LDB2: variants seen among roughly 807,000 people sequenced by gnomAD.
LDB2 encodes LIM domain-binding protein 2.
In LDB2, 12 loss-of-function variants were observed where a neutral mutation model predicts 44.3. The ratio of observed to expected loss-of-function variants is 0.27; its 90% CI spans 0.17 to 0.44. The LOEUF is 0.44. Among genes scored for constraint, LDB2 ranks in the 20% least tolerant of loss-of-function variants. LDB2 has a pLI of 1.00. For synonymous variants in LDB2, 164 were observed against 174.8 expected (o/e 0.94, Z 0.49); for missense variants, 344 against 473.5 (o/e 0.73, Z 2.54).
At chr4:16,735,472 G>T (rs1761704153) in intron 2 of LDB2, among the ~76,000 whole-genome samples, 1 of 151,952 alleles carries the variant, frequency 6.6e-6, no homozygotes, top group South Asian at 2.1e-4. Flanking sequence ...GGGAGATGGG[G>T]CTTAACTTCT....
rs191441725 is a variant in LDB2 at position 16,657,250 on chromosome 4, T to G, written c.236-61375A>C. On this transcript the variant is annotated intron_variant, in intron 2 of 7. Coordinates refer to ENST00000304523, the MANE Select transcript of LDB2 (RefSeq NM_001290.5). ...TTACTAAAAAATTTAAAATTATACA[T>G]GTGGTTGGCATTATCTATCTGCTGG... 2.6e-5 allele frequency among the ~76,000 whole-genome samples: 4 copies of G among 152,332 alleles called. No individual in the cohort carries two copies. The East Asian group carries it at 7.7e-4, about 29-fold the overall frequency.
intron 3 of LDB2, among the ~76,000 whole-genome samples, chr4:16,592,589 GA>G (rs1204494642): frequency 1.3e-5 from 2 of 150,610 alleles, no homozygotes; most frequent in African/African-American, 2.4e-5. Flanking sequence ...AAGAAATTCT[GA>G]AATATAATGT....
intron 5 of LDB2, among the ~76,000 whole-genome samples, chr4:16,559,879 A>G (rs1225357295): frequency 2.8e-4 from 42 of 152,058 alleles, no homozygotes; most frequent in South Asian, 4.1e-4. Flanking sequence ...TCAGACCACA[A>G]TGCAATCAAA....
chr4:16,508,583 G>A lies in LDB2; in HGVS notation c.843C>T (p.Ser281=). 8.1e-6 allele frequency: 13 copies of A among 1,612,770 alleles called. No individual in the cohort carries two copies. Among genetic ancestry groups the A allele is most frequent in the Non-Finnish European group, 1.1e-5 (13 of 1,179,324 alleles). Residue 281 remains serine, a synonymous_variant, in exon 7 of 8, where the codon AGC becomes AGT. Coordinates refer to ENST00000304523, the MANE Select transcript of LDB2 (RefSeq NM_001290.5). ...SAGNNANSTG[S]KKKTTAANLS... is the part of the protein sequence containing the mutation. Reference sequence around the variant, plus strand: ...GGTTTGCAGCTGTGGTCTTCTTCTTGCTGCCAGTGCTGTTTGCATTGTTCC... The same window carrying A: ...GGTTTGCAGCTGTGGTCTTCTTCTTACTGCCAGTGCTGTTTGCATTGTTCC...
intron 1 of LDB2, among the ~76,000 whole-genome samples, chr4:16,786,906 G>A (rs1226707399): frequency 6.6e-6 from 1 of 152,098 alleles, no homozygotes; most frequent in Non-Finnish European, 1.5e-5. Flanking sequence ...TACCACCGGT[G>A]GAGTTAGACA....
At chr4:16,623,049 A>G (rs1729316915) in intron 2 of LDB2, among the ~76,000 whole-genome samples, 1 of 152,190 alleles carries the variant, frequency 6.6e-6, no homozygotes, top group African/African-American at 2.4e-5. Flanking sequence ...TGCATGCTTC[A>G]AGAGGGAGGC....
chr4:16,599,828 C>T (rs924803980), intron 2 of LDB2, among the ~76,000 whole-genome samples: 13 of 152,118 alleles, frequency 8.5e-5, no homozygotes, highest in Non-Finnish European at 1.3e-4. Flanking sequence ...GGTTGACGGT[C>T]GATGCTGCAA....
intron 2 of LDB2, among the ~76,000 whole-genome samples, chr4:16,597,530 A>T (rs577368198): frequency 1.3e-5 from 2 of 152,330 alleles, no homozygotes; most frequent in Non-Finnish European, 2.9e-5. Flanking sequence ...GATAAAATTA[A>T]TTGAATGCAT....
intron 1 of LDB2, among the ~76,000 whole-genome samples, chr4:16,826,227 G>A (rs527747416): frequency 7.2e-5 from 11 of 152,192 alleles, no homozygotes; most frequent in East Asian, 1.9e-4. Flanking sequence ...AACAATATTC[G>A]AATCATAATT....
chr4:16,818,054 G>A (rs1256823712), intron 1 of LDB2, among the ~76,000 whole-genome samples: 3 of 152,098 alleles, frequency 2.0e-5, no homozygotes, highest in Non-Finnish European at 4.4e-5. Flanking sequence ...ACTAGGTGAC[G>A]CTCAGCCTGA....
intron 1 of LDB2, among the ~76,000 whole-genome samples, chr4:16,859,542 G>A (rs1393355368): frequency 6.6e-6 from 1 of 152,194 alleles, no homozygotes; most frequent in African/African-American, 2.4e-5. Flanking sequence ...CTTGAGACCT[G>A]CTCTTTGCAT....
intron 3 of LDB2, among the ~76,000 whole-genome samples, chr4:16,593,691 T>C (rs1719904503): frequency 6.6e-6 from 1 of 152,164 alleles, no homozygotes; most frequent in African/African-American, 2.4e-5. Flanking sequence ...GTCCAAACAA[T>C]TGCTGCTTGG....
chr4:16,648,612 C>T (rs567085679), intron 2 of LDB2, among the ~76,000 whole-genome samples: 102 of 152,254 alleles, frequency 6.7e-4, no homozygotes, highest in Non-Finnish European at 1.3e-3. Flanking sequence ...TTCTTTTCAC[C>T]TTGACATAGA....
intron 5 of LDB2, among the ~76,000 whole-genome samples, chr4:16,524,184 T>C (rs1050150652): frequency 2.0e-5 from 3 of 152,168 alleles, no homozygotes; most frequent in African/African-American, 7.2e-5. Context: ...CACATAGTAT[T>C]TATCAGGCAC....
chr4:16,780,500 G>A (rs1362790726), intron 1 of LDB2, among the ~76,000 whole-genome samples: 1 of 152,146 alleles, frequency 6.6e-6, no homozygotes, highest in Non-Finnish European at 1.5e-5. Flanking sequence ...TGGGATTTCA[G>A]GTGTGATCCA....
chr4:16,816,399 T>TTCTC (rs1780903793), intron 1 of LDB2, among the ~76,000 whole-genome samples: 2 of 142,762 alleles, frequency 1.4e-5, no homozygotes, highest in Non-Finnish European at 3.0e-5. Context: ...CTTATTTTCT[T>TTCTC]TTTCTTTCTT....
At chr4:16,585,862 A>G (rs1339893874) in intron 5 of LDB2, 60 bp downstream of exon 5, 3 of 1,339,904 alleles carry the variant, frequency 2.2e-6, no homozygotes, top group Non-Finnish European at 3.2e-6. Context: ...CAGGATGCAT[A>G]TAAACCTCTG....
chr4:16,626,586 T>C (rs1333933553), intron 2 of LDB2, among the ~76,000 whole-genome samples: 3 of 152,218 alleles, frequency 2.0e-5, no homozygotes, highest in Non-Finnish European at 2.9e-5. Context: ...CTTGCACTTA[T>C]TTCCAGTTCC....
intron 1 of LDB2, among the ~76,000 whole-genome samples, chr4:16,799,670 A>G (rs1459116685): frequency 6.6e-6 from 1 of 152,208 alleles, no homozygotes; most frequent in Non-Finnish European, 1.5e-5. Flanking sequence ...ATGCAGTCTC[A>G]GGGTTCCTGA....
Sources: allele counts gnomAD v4.1 joint callset (sites outside exome capture counted in the v4.1 genomes callset), GRCh38; gene constraint gnomAD v4.1.1; transcripts MANE v1.5; gene names NCBI Gene and HGNC (gene_info 2026-07-23, HGNC 2026-07-21).